Variants in LRRC37A2 observed in about 807,000 individuals in gnomAD.
LRRC37A2 encodes the protein leucine rich repeat containing 37 member A2.
A neutral mutation model predicts 68.8 loss-of-function variants in LRRC37A2; 9 were observed. That is an observed-to-expected ratio of 0.13 (90% CI 0.08 to 0.23). The LOEUF is 0.23. Among genes scored for constraint, LRRC37A2 ranks in the 10% least tolerant of loss-of-function variants. The pLI is 1.00. For missense variants in LRRC37A2, 168 were observed against 950.4 expected (o/e 0.18, Z 10.82); for synonymous variants, 63 against 367.6 (o/e 0.17, Z 9.48).
chr17:46,854,771 C>T, the LRRC37A2 span, among the ~76,000 whole-genome samples: 2 of 152,120 alleles, frequency 1.3e-5, no homozygotes, highest in South Asian at 2.1e-4. Flanking sequence ...AGCAATTTTC[C>T]TGCCTCAGCT....
At chr17:46,797,478 C>G in the LRRC37A2 span, among the ~76,000 whole-genome samples, 2 of 152,198 alleles carry the variant, frequency 1.3e-5, no homozygotes, top group South Asian at 4.1e-4. Context: ...GCAGTGGAGT[C>G]CTCAGGAGTG....
At chr17:46,949,397 C>T in the LRRC37A2 span, 1 of 152,078 alleles carries the variant, frequency 6.6e-6, no homozygotes, top group East Asian at 1.9e-4. Context: ...CTTTCTATGA[C>T]CAAGCCTCGG....
chr17:46,920,854 C>T, the LRRC37A2 span, among the ~76,000 whole-genome samples: 2 of 152,124 alleles, frequency 1.3e-5, no homozygotes, highest in Non-Finnish European at 2.9e-5. Flanking sequence ...AGCCACAAAG[C>T]CAAAATTAAG....
At chr17:47,011,809 AG>A in the LRRC37A2 span, among the ~76,000 whole-genome samples, 3 of 152,186 alleles carry the variant, frequency 2.0e-5, no homozygotes, top group Non-Finnish European at 2.9e-5. Context: ...GATTAGACAC[AG>A]GCTATGCATC....
chr17:46,740,662 CTTTTTTT>C, the LRRC37A2 span, among the ~76,000 whole-genome samples: 5 of 137,144 alleles, frequency 3.6e-5, no homozygotes, highest in Non-Finnish European at 8.0e-5. Flanking sequence ...TTATCTTTTT[CTTTTTTT>C]TTTTTTTTGG....
chr17:46,906,082 G>C, the LRRC37A2 span, among the ~76,000 whole-genome samples: 1 of 152,158 alleles, frequency 6.6e-6, no homozygotes, highest in Admixed American at 6.5e-5. Flanking sequence ...TGTGTTCCCT[G>C]CCTGTCGTTC....
chr17:46,933,708 C>A, the LRRC37A2 span: 2 of 149,034 alleles, frequency 1.3e-5, no homozygotes, highest in Non-Finnish European at 3.0e-5. Flanking sequence ...CACAATGACA[C>A]ACGCCTGTGA....
the LRRC37A2 span, among the ~76,000 whole-genome samples, chr17:46,413,672 C>T: frequency 1.6e-5 from 1 of 63,738 alleles, no homozygotes; most frequent in Admixed American, 1.5e-4. Context: ...GGCGCAATCT[C>T]GGCTCACTGC....
chr17:46,903,414 C>A, the LRRC37A2 span, among the ~76,000 whole-genome samples: 1 of 152,094 alleles, frequency 6.6e-6, no homozygotes, highest in African/African-American at 2.4e-5. Context: ...GAGGGAGGGT[C>A]AAGCAGAAAA....
chr17:46,817,932 G>A, the LRRC37A2 span, among the ~76,000 whole-genome samples: 1 of 152,014 alleles, frequency 6.6e-6, no homozygotes, highest in African/African-American at 2.4e-5. Context: ...CACTTCAGAG[G>A]CTCAAGATGA....
At chr17:46,738,770 G>A in the LRRC37A2 span, among the ~76,000 whole-genome samples, 2 of 152,216 alleles carry the variant, frequency 1.3e-5, no homozygotes, top group Non-Finnish European at 2.9e-5. Context: ...ATTAAGGCAG[G>A]CAACCACCAG....
At chr17:46,953,617 C>T in the LRRC37A2 span, among the ~76,000 whole-genome samples, 17 of 152,184 alleles carry the variant, frequency 1.1e-4, no homozygotes, top group Admixed American at 6.5e-5. Context: ...CCTGAGGAAT[C>T]GCCACACTGA....
the LRRC37A2 span, among the ~76,000 whole-genome samples, chr17:46,821,935 G>A: frequency 6.6e-6 from 1 of 152,244 alleles, no homozygotes; most frequent in African/African-American, 2.4e-5. Context: ...CCCGTCTGTC[G>A]CGGGGAAGGA....
the LRRC37A2 span, among the ~76,000 whole-genome samples, chr17:47,001,561 TA>T: frequency 6.6e-6 from 1 of 152,264 alleles, no homozygotes; most frequent in Admixed American, 6.5e-5. Flanking sequence ...AGCCTTAGTA[TA>T]CAGCTGAAAT....
chr17:46,808,148 G>A, the LRRC37A2 span, among the ~76,000 whole-genome samples: 1 of 152,212 alleles, frequency 6.6e-6, no homozygotes, highest in African/African-American at 2.4e-5. Flanking sequence ...TTTCACAGAT[G>A]AGGAAACTGA....
chr17:46,844,984 A>T, the LRRC37A2 span, among the ~76,000 whole-genome samples: 1 of 152,154 alleles, frequency 6.6e-6, no homozygotes, highest in Non-Finnish European at 1.5e-5. Context: ...AGTAGCTGGG[A>T]CTACCGGCAT....
the LRRC37A2 span, among the ~76,000 whole-genome samples, chr17:46,492,689 G>GTT: frequency 4.3e-3 from 467 of 107,630 alleles, 1 homozygote; most frequent in East Asian, 9.8e-3. Flanking sequence ...GTTTTGTTTT[G>GTT]TTTTTTTTTT....
the LRRC37A2 span, chr17:46,722,064 C>T: frequency 9.4e-5 from 152 of 1,610,664 alleles, no homozygotes; most frequent in African/African-American, 1.9e-3. Context: ...GCCTTGAGGT[C>T]CGAGTTCATC....
the LRRC37A2 span, chr17:46,851,467 C>A: frequency 3.1e-6 from 1 of 321,486 alleles, no homozygotes; most frequent in Non-Finnish European, 5.6e-6. The surrounding 1 kb of genome is among the most constrained non-coding windows in gnomAD (Gnocchi z 4.3). Context: ...GGCGGTGGGG[C>A]CAATGGGGCG....
Sources: allele counts gnomAD v4.1 joint callset (sites outside exome capture counted in the v4.1 genomes callset), GRCh38; gene constraint gnomAD v4.1.1; non-coding constraint Gnocchi (gnomAD v3.1); transcripts MANE v1.5; gene names NCBI Gene and HGNC (gene_info 2026-07-23, HGNC 2026-07-21).